The following PSME3 variants were observed in gnomAD, a reference collection of about 807,000 sequenced individuals.
PSME3 encodes the protein proteasome activator subunit 3, also known as proteasome activator complex subunit 3.
Under a neutral mutation model 38.3 loss-of-function variants are expected in PSME3, and 7 were observed. That is an observed-to-expected ratio of 0.18 (90% CI 0.10 to 0.34). PSME3 has a LOEUF of 0.34. PSME3 is among the 10% of genes least tolerant of loss of function. The probability of loss-of-function intolerance (pLI) is 1.00; values close to 1 mark genes in which losing one functional copy is unlikely to be tolerated. For synonymous variants in PSME3, 108 were observed against 105.7 expected (o/e 1.02, Z -0.13); for missense variants, 192 against 307.6 (o/e 0.62, Z 2.81).
intron 4 of PSME3, among the ~76,000 whole-genome samples, chr17:42,837,360 T>A (rs1266665860): frequency 6.6e-6 from 1 of 152,078 alleles, no homozygotes; most frequent in Admixed American, 6.5e-5. Flanking sequence ...ACTTTTTGTA[T>A]TTTTAGTAGA....
chr17:42,833,543 A>G lies in PSME3; in HGVS notation c.-89A>G. 17 of 1,560,494 alleles carry G rather than the reference A, an allele frequency of 1.1e-5. No individual in the cohort carries two copies. Among genetic ancestry groups the G allele is most frequent in the Non-Finnish European group, 1.5e-5 (17 of 1,134,800 alleles). On this transcript the variant is annotated 5_prime_UTR_variant, in exon 1 of 11. Coordinates refer to ENST00000590720, the MANE Select transcript of PSME3 (RefSeq NM_005789.4). ...GCAAGGGCGGTCGGGTCCCGAGGTC[A>G]GCCGAGATTTCTCAGGTCCCTCCGG...
chr17:42,834,490 C>A, intron 2 of PSME3, 25 bp from the exon 3 acceptor site: 1 of 1,607,820 alleles, frequency 6.2e-7, no homozygotes, highest in Non-Finnish European at 8.5e-7. Context: ...GATATTAATT[C>A]AGCTGTATTT....
rs2055439163 is a variant in PSME3, at chr17:42,834,549, A to T, written c.110A>T (p.Lys37Met). The T allele has an allele frequency of 5.0e-6, 8 of 1,613,934 alleles. No individual in the cohort carries two copies. The highest frequency in any genetic ancestry group is 6.8e-6 in the Non-Finnish European group (8 of 1,179,920). The change falls in exon 3 of 11, where the codon AAG becomes ATG. Residue 37 changes from lysine (K) to methionine (M), a missense_variant. Physicochemically the swap from Lys to Met is moderately conservative, Grantham distance 95. Around this residue, in one of 2 missense-constraint regions of PSME3, gnomAD observed 110 missense variants for 139.3 expected, o/e 0.79. Transcript: ENST00000590720. ...EDLVANFFPK[K>M]LLELDSFLKE... is the part of the protein sequence containing the mutation. ...TTGGTGGCAAATTTTTTCCCAAAGAAGTTATTAGAACTTGATAGTTTTCTG... is the reference window on the plus strand; with the variant it reads ...TTGGTGGCAAATTTTTTCCCAAAGATGTTATTAGAACTTGATAGTTTTCTG...
intron 3 of PSME3, 34 bp downstream of exon 3, chr17:42,834,611 A>G (rs758293074): frequency 2.3e-5 from 37 of 1,611,252 alleles, no homozygotes; most frequent in Middle Eastern, 1.6e-4. Flanking sequence ...AAATTCCCCA[A>G]TTTTTTTGGC....
At chr17:42,841,369 A>G (rs1298456043) in intron 10 of PSME3, 129 bp from the exon 11 acceptor site, 1 of 434,592 alleles carries the variant, frequency 2.3e-6, no homozygotes, top group Middle Eastern at 3.1e-4. Context: ...GTTGCTAAGA[A>G]CCTATTGATG....
intron 4 of PSME3, among the ~76,000 whole-genome samples, chr17:42,835,440 C>T (rs905668673): frequency 7.9e-5 from 12 of 152,038 alleles, no homozygotes; most frequent in African/African-American, 2.4e-4. Flanking sequence ...AGAGAACTAG[C>T]TTAGGCCAGG....
chr17:42,839,196 G>C, intron 9 of PSME3, 30 bp downstream of exon 9: 1 of 1,565,692 alleles, frequency 6.4e-7, no homozygotes, highest in Non-Finnish European at 8.8e-7. Context: ...CCTGAGGGTG[G>C]AGGTGGCAGG....
intron 6 of PSME3, 132 bp from the exon 7 acceptor site, chr17:42,838,599 T>G: frequency 1.1e-6 from 1 of 886,988 alleles, no homozygotes; most frequent in South Asian, 1.6e-5. Context: ...ATTACCGGCA[T>G]GAGCCACCAT....
intron 4 of PSME3, among the ~76,000 whole-genome samples, 187 bp from the exon 5 acceptor site, chr17:42,837,462 G>A (rs571297480): frequency 9.2e-5 from 14 of 152,316 alleles, no homozygotes; most frequent in Admixed American, 3.9e-4. Flanking sequence ...TGGGATTACA[G>A]GCATGAGCCA....
intron 4 of PSME3, among the ~76,000 whole-genome samples, chr17:42,836,501 T>C (rs2055465935): frequency 6.6e-6 from 1 of 152,230 alleles, no homozygotes; most frequent in Non-Finnish European, 1.5e-5. Context: ...ATGTATTGTG[T>C]TTCTGGAAAG....
At chr17:42,834,419 C>T (rs1036209558) in intron 2 of PSME3, 43 bp downstream of exon 2, 4 of 1,609,950 alleles carry the variant, frequency 2.5e-6, no homozygotes, top group South Asian at 1.1e-5. Context: ...TTGAGAATTT[C>T]CCAAAGAGGA....
At chr17:42,834,616 T>C (rs757020859) in intron 3 of PSME3, 39 bp downstream of exon 3, 17 of 1,612,108 alleles carry the variant, frequency 1.1e-5, no homozygotes, top group Non-Finnish European at 1.1e-5. Context: ...CCCCAATTTT[T>C]TTGGCCCTGG....
In PSME3 at chr17:42,835,724, CA is replaced by C. The variant is rs543220645; in HGVS notation, c.243+861del. On this transcript the variant is annotated intron_variant, in intron 4 of 10. Transcript: ENST00000590720. ...TGGGCGACAGAGCGAGACTCTGTCT[CA>C]AAAAAAAAAAAAGAGAACTAGCTTC... Among the ~76,000 whole-genome samples, 743 of 121,800 alleles carry C rather than the reference CA, an allele frequency of 6.1e-3. 6 individuals carry two copies. Among genetic ancestry groups the C allele is most frequent in the African/African-American group, 0.016 (558 of 34,120 alleles). The allele number at this position is 121,800 out of a possible 152,430, so 79.9% of individuals were successfully genotyped here. A position where few individuals can be genotyped will look rare whatever the true frequency, so the allele number is the denominator to read the frequency against.
At chr17:42,839,909 T>C (rs1211475195) in intron 10 of PSME3, among the ~76,000 whole-genome samples, 1 of 151,778 alleles carries the variant, frequency 6.6e-6, no homozygotes, top group Non-Finnish European at 1.5e-5. Flanking sequence ...GGCAGGAGAA[T>C]CACTTGAACC....
chr17:42,836,724 G>C (rs1230764699), intron 4 of PSME3, among the ~76,000 whole-genome samples: 1 of 151,800 alleles, frequency 6.6e-6, no homozygotes, highest in African/African-American at 2.4e-5. Context: ...ATCACATTCA[G>C]CTAGTTTTTG....
At position 42,834,472 on chromosome 17, in the gene PSME3, T is replaced by C. The variant is rs765636294; in HGVS notation, c.76-43T>C. The C allele has an allele frequency of 5.4e-6, 8 of 1,485,116 alleles. No individual in the cohort carries two copies. The South Asian group carries it at 7.0e-5, about 13-fold the overall frequency. The allele number at this position is 1,485,116 out of a possible 1,614,324, so 92.0% of individuals were successfully genotyped here. A position where few individuals can be genotyped will look rare whatever the true frequency, so the allele number is the denominator to read the frequency against. ...AGAGAGAGAGAGAGAGAGAGAGACC[T>C]TCCCACAGATATTAATTCAGCTGTA... On this transcript the variant is annotated intron_variant, in intron 2 of 10. Coordinates refer to ENST00000590720, the MANE Select transcript of PSME3 (RefSeq NM_005789.4).
rs774172014 is a variant in PSME3 at position 42,839,092 on chromosome 17, CCTCTT to C, written c.543-15_543-11del. On this transcript the variant is annotated splice_polypyrimidine_tract_variant and intron_variant, in intron 8 of 10. Transcript: ENST00000590720. The stretch of plus-strand genomic sequence containing the variant: ...CATCAAGGGTCTCCTGCATCTTCCT[CCTCTT>C]CTCTCTCTTTCCAGATATTATATTA... 1 of 1,589,086 alleles carries C rather than the reference CCTCTT, an allele frequency of 6.3e-7. No homozygotes were observed. Among genetic ancestry groups the C allele is most frequent in the Non-Finnish European group, 8.6e-7 (1 of 1,157,282 alleles).
chr17:42,833,507 T>A lies in PSME3; in HGVS notation c.-125T>A. 8.3e-7 allele frequency: 1 copy of A among 1,205,442 alleles called. No homozygotes were observed. The highest frequency in any genetic ancestry group is 1.3e-5 in the South Asian group (1 of 76,776). The allele number at this position is 1,205,442 out of a possible 1,614,324, so 74.7% of individuals were successfully genotyped here. On this transcript the variant is annotated 5_prime_UTR_variant, in exon 1 of 11. Transcript: ENST00000590720. ...ACAGAGGGAGGGAGCGAGCGAGCAG[T>A]GAGTAAGCCAGCAAGGGCGGTCGGG... is the stretch of plus-strand genomic sequence containing the variant.
chr17:42,837,775 TCTC>T, intron 5 of PSME3, 78 bp downstream of exon 5: 3 of 1,484,634 alleles, frequency 2.0e-6, no homozygotes, highest in Non-Finnish European at 2.8e-6. Context: ...GATCTAGTGT[TCTC>T]CTGACCAGGA....
Sources: allele counts gnomAD v4.1 joint callset (sites outside exome capture counted in the v4.1 genomes callset), GRCh38; gene constraint gnomAD v4.1.1; regional missense constraint gnomAD v4.1.1; transcripts MANE v1.5; gene names NCBI Gene and HGNC (gene_info 2026-07-23, HGNC 2026-07-21).